The following GLB1 variants were observed in gnomAD, a reference collection of about 807,000 sequenced individuals.
The protein encoded by GLB1 is beta-galactosidase.
In GLB1, 56 loss-of-function variants were observed where a neutral mutation model predicts 74.0. The ratio of observed to expected loss-of-function variants is 0.76; its 90% CI spans 0.61 to 0.94. The LOEUF is 0.94. GLB1 is among the 40% of genes least tolerant of loss of function. GLB1 has a pLI of 0.00. For synonymous variants in GLB1, 323 were observed against 323.6 expected (o/e 1.00, Z 0.02); for missense variants, 787 against 845.5 (o/e 0.93, Z 0.86).
rs1160901537 is a variant in GLB1, at chr3:33,097,080, C to G, written c.6G>C (p.Pro2=). M[P]GFLVRILPLL... ...GAGGGAGGATGCGAACCAGGAACCC[C>G]GGCATGACCACCAGCCTCCCGGCTC... The change falls in exon 1 of 16, where the codon CCG becomes CCC. Residue 2 remains proline (P), a synonymous_variant. Transcript: ENST00000307363. 1 of 1,612,512 alleles carries G rather than the reference C, an allele frequency of 6.2e-7. No homozygotes were observed. Among genetic ancestry groups the G allele is most frequent in the South Asian group, 1.1e-5 (1 of 90,944 alleles).
At chr3:32,979,719 G>C in the GLB1 span, among the ~76,000 whole-genome samples, 3 of 151,894 alleles carry the variant, frequency 2.0e-5, no homozygotes, top group Admixed American at 1.3e-4. Context: ...GGGCATGGTG[G>C]CATGTGCCTG....
intron 1 of GLB1, chr3:33,091,019 G>C (rs905251159): frequency 8.1e-6 from 8 of 985,228 alleles, no homozygotes; most frequent in Non-Finnish European, 7.2e-6. Context: ...GAAATAACAC[G>C]TAACAGGTGA....
intron 10 of GLB1, among the ~76,000 whole-genome samples, chr3:33,029,638 C>T (rs1697924171): frequency 6.6e-6 from 1 of 152,124 alleles, no homozygotes; most frequent in African/African-American, 2.4e-5. Context: ...GAAACAAGAT[C>T]ATGTCCTTTG....
chr3:33,056,017 T>C (rs148211367), intron 6 of GLB1, among the ~76,000 whole-genome samples: 12,745 of 150,920 alleles, frequency 0.084, 1,211 homozygotes, highest in East Asian at 0.48. Context: ...CATGTGAGGT[T>C]AGGAGTTTGA....
chr3:33,007,941 C>T (rs1394102032), intron 15 of GLB1, among the ~76,000 whole-genome samples: 1 of 152,192 alleles, frequency 6.6e-6, no homozygotes, highest in Non-Finnish European at 1.5e-5. Flanking sequence ...ACTTCTGTAC[C>T]TCGTACAAGT....
intron 10 of GLB1, among the ~76,000 whole-genome samples, chr3:33,042,406 C>T (rs928363272): frequency 1.3e-3 from 165 of 130,908 alleles, no homozygotes; most frequent in African/African-American, 4.4e-3. Context: ...CTCGCTCTGT[C>T]GCCCAGGCTG....
chr3:32,975,107 G>T, the GLB1 span, among the ~76,000 whole-genome samples: 1 of 152,016 alleles, frequency 6.6e-6, no homozygotes, highest in Admixed American at 6.5e-5. Flanking sequence ...TTTGAGACGG[G>T]GTCTCACTCT....
chr3:33,056,199 C>T (rs55841328), intron 6 of GLB1, among the ~76,000 whole-genome samples: 47,736 of 136,298 alleles, frequency 0.35, 10,458 homozygotes, highest in Middle Eastern at 0.58. Context: ...TGCACTCCAG[C>T]CTGGGCAACA....
intron 1 of GLB1, among the ~76,000 whole-genome samples, chr3:33,087,765 C>A (rs1197388489): frequency 6.6e-6 from 1 of 152,114 alleles, no homozygotes; most frequent in Non-Finnish European, 1.5e-5. Flanking sequence ...TTCTATGAGA[C>A]CAATATTATC....
chr3:33,064,388 C>T (rs1301397960), intron 5 of GLB1, among the ~76,000 whole-genome samples: 5 of 143,846 alleles, frequency 3.5e-5, no homozygotes, highest in Admixed American at 2.2e-4. Context: ...TGCAGTGAGC[C>T]GAGATTGTGC....
chr3:33,011,938 T>C (rs1260846163), intron 15 of GLB1, among the ~76,000 whole-genome samples: 1 of 152,230 alleles, frequency 6.6e-6, no homozygotes, highest in Non-Finnish European at 1.5e-5. Context: ...GGCTTACTGA[T>C]TCCCAAGGGC....
intron 7 of GLB1, among the ~76,000 whole-genome samples, chr3:33,052,274 CCT>C (rs1699025953): frequency 1.3e-5 from 2 of 152,236 alleles, no homozygotes; most frequent in South Asian, 2.1e-4. Context: ...TAGCTGATCC[CCT>C]GTTTAAACAC....
chr3:32,974,015 C>T, the GLB1 span, among the ~76,000 whole-genome samples: 5 of 152,266 alleles, frequency 3.3e-5, no homozygotes, highest in African/African-American at 9.6e-5. Context: ...GGCAGAGCTA[C>T]TCCTCATCTG....
intron 15 of GLB1, among the ~76,000 whole-genome samples, chr3:33,010,682 C>A (rs1199354868): frequency 1.3e-5 from 2 of 152,186 alleles, no homozygotes; most frequent in South Asian, 4.2e-4. Flanking sequence ...AAGGATAATG[C>A]CTTAGGTGTC....
chr3:33,046,363 A>G, intron 9 of GLB1, 131 bp from the exon 10 acceptor site: 2 of 1,030,556 alleles, frequency 1.9e-6, no homozygotes, highest in Non-Finnish European at 2.9e-6. Flanking sequence ...GTTGGGAGAC[A>G]CAGACGTGAC....
At chr3:33,065,852 A>C (rs1699652247) in intron 4 of GLB1, among the ~76,000 whole-genome samples, 1 of 151,804 alleles carries the variant, frequency 6.6e-6, no homozygotes, top group Non-Finnish European at 1.5e-5. Flanking sequence ...CTGTAATCCC[A>C]GCTACTTGGG....
At chr3:33,095,849 C>T (rs974852665) in intron 1 of GLB1, among the ~76,000 whole-genome samples, 2 of 152,206 alleles carry the variant, frequency 1.3e-5, no homozygotes, top group African/African-American at 4.8e-5. Context: ...CTCCTAAGGT[C>T]CTACGGGCCT....
intron 15 of GLB1, among the ~76,000 whole-genome samples, chr3:33,002,324 T>TCTCCCTCCCACC (rs1696605024): frequency 1.2e-5 from 1 of 83,110 alleles, no homozygotes. Flanking sequence ...AAAACAAAAG[T>TCTCCCTCCCACC]CTCCCTCCCT....
intron 15 of GLB1, among the ~76,000 whole-genome samples, chr3:33,007,788 G>C (rs750359745): frequency 3.3e-5 from 5 of 152,208 alleles, no homozygotes; most frequent in Admixed American, 6.5e-5. Context: ...TGGAGATGCA[G>C]AGCATTCATC....
Sources: allele counts gnomAD v4.1 joint callset (sites outside exome capture counted in the v4.1 genomes callset), GRCh38; gene constraint gnomAD v4.1.1; transcripts MANE v1.5; gene names NCBI Gene and HGNC (gene_info 2026-07-23, HGNC 2026-07-21).